Variants in RTTN observed in about 807,000 individuals in gnomAD.
RTTN encodes the protein rotatin.
In RTTN, 182 loss-of-function variants were observed where a neutral mutation model predicts 269.2. The ratio of observed to expected loss-of-function variants is 0.68; its 90% CI spans 0.60 to 0.76. The LOEUF is 0.76. Ranked by LOEUF, RTTN falls within the 30% of genes least tolerant of loss-of-function variation. RTTN has a pLI of 0.00. For missense variants in RTTN, 2,545 were observed against 2,608.6 expected, an observed-to-expected ratio of 0.98 and a Z score of 0.53; for synonymous variants, 1,006 against 963.5, an observed-to-expected ratio of 1.04 and a Z score of -0.82.
At position 70,150,042 on chromosome 18, in the gene RTTN, G is replaced by A. The variant is rs932327641; in HGVS notation, c.2101C>T (p.Arg701Ter). Residue 701 changes from arginine (R) to a stop codon, truncating the protein, a stop_gained, in exon 16 of 49, where the codon CGA becomes TGA. Coordinates refer to ENST00000640769, the MANE Select transcript of RTTN (RefSeq NM_173630.4). LOFTEE classifies it high-confidence loss of function. ...KAILLYLLQG[R>*]LMMTALTWNK... ...CAGGTCAATGCTGTCATCATCAATC[G>A]TCCCTGAAGCAGGTATAACAGAATG... 9 of 1,613,178 alleles carry A rather than the reference G, an allele frequency of 5.6e-6. No individual in the cohort carries two copies. The highest frequency in any genetic ancestry group is 1.6e-4 in the Middle Eastern group (1 of 6,074).
chr18:70,098,901 T>G (rs938354973), intron 28 of RTTN, among the ~76,000 whole-genome samples: 1 of 152,218 alleles, frequency 6.6e-6, no homozygotes, highest in East Asian at 1.9e-4. Flanking sequence ...TGTTCGGTTA[T>G]CTGTCCTTGC....
chr18:70,054,203 G>A lies in RTTN; in HGVS notation c.5113C>T (p.Gln1705Ter). 1.2e-6 allele frequency: 2 copies of A among 1,613,780 alleles called. No individual in the cohort carries two copies. Among genetic ancestry groups the A allele is most frequent in the Non-Finnish European group, 1.7e-6 (2 of 1,179,776 alleles). ...CLLVEPDLVIQDELVKPLITN... is the reference protein window; with the variant it reads ...CLLVEPDLVI Reference sequence around the variant, plus strand: ...ATAAGAGGTTTCACAAGCTCATCCTGAATCACAAGGTCAGGCTCCACCAAT... The same window carrying A: ...ATAAGAGGTTTCACAAGCTCATCCTAAATCACAAGGTCAGGCTCCACCAAT... Residue 1705 changes from glutamine (Q) to a stop codon, truncating the protein, a stop_gained, in exon 38 of 49, where the codon CAG (glutamine) becomes TAG (stop). Coordinates refer to ENST00000640769, the MANE Select transcript of RTTN (RefSeq NM_173630.4). LOFTEE classifies it high-confidence loss of function.
chr18:70,032,589 T>C (rs1479204672), intron 40 of RTTN, among the ~76,000 whole-genome samples: 2 of 152,166 alleles, frequency 1.3e-5, no homozygotes, highest in Non-Finnish European at 2.9e-5. Flanking sequence ...AAGAAGGGCA[T>C]TACAAATAGT....
At chr18:70,065,289 C>CAAAAAAAAAAAAAAAAAA (rs2058101914) in intron 35 of RTTN, among the ~76,000 whole-genome samples, 1 of 72,094 alleles carries the variant, frequency 1.4e-5, no homozygotes. Context: ...AAAAAAAAAG[C>CAAAAAAAAAAAAAAAAAA]AAAGTTGCAA....
At position 70,126,683 on chromosome 18, in the gene RTTN, T is replaced by C. The variant is rs188902185; in HGVS notation, c.3383+819A>G. 9.6e-4 allele frequency among the ~76,000 whole-genome samples: 146 copies of C among 152,248 alleles called. 1 individual carries two copies. Among genetic ancestry groups the C allele is most frequent in the Admixed American group, 3.5e-3 (54 of 15,272 alleles). On this transcript the variant is annotated intron_variant, in intron 25 of 48. Coordinates refer to ENST00000640769, the MANE Select transcript of RTTN (RefSeq NM_173630.4). ...TTTATTTAATTGTAAGTTTATATAA[T>C]TAAGAATGGCTGTGTTTAACAATCA...
chr18:70,111,974 A>G (rs1427756408), intron 27 of RTTN, among the ~76,000 whole-genome samples: 2 of 152,218 alleles, frequency 1.3e-5, no homozygotes, highest in Admixed American at 1.3e-4. Flanking sequence ...GAAACCTACA[A>G]GCCAGAAGAG....
At chr18:70,099,805 C>T (rs997096427) in intron 28 of RTTN, among the ~76,000 whole-genome samples, 17 of 152,194 alleles carry the variant, frequency 1.1e-4, no homozygotes. Context: ...ATATGGCTAG[C>T]CAGTTTTCCC....
intron 25 of RTTN, among the ~76,000 whole-genome samples, chr18:70,126,885 G>A (rs2059878348): frequency 6.6e-6 from 1 of 152,072 alleles, no homozygotes; most frequent in African/African-American, 2.4e-5. Flanking sequence ...CACATTTTAT[G>A]TTAAATAATA....
intron 1 of RTTN, 98 bp from the exon 2 acceptor site, chr18:70,205,413 A>C: frequency 6.7e-7 from 1 of 1,501,434 alleles, no homozygotes; most frequent in Non-Finnish European, 9.1e-7. Flanking sequence ...GGAATAAACC[A>C]GTTTTTTTCA....
At chr18:70,113,765 T>A (rs113563132) in intron 27 of RTTN, among the ~76,000 whole-genome samples, 1 of 152,194 alleles carries the variant, frequency 6.6e-6, no homozygotes, top group Non-Finnish European at 1.5e-5. Flanking sequence ...GGAAACATGA[T>A]GCTAAGTGAA....
chr18:70,027,802 T>A (rs1381971811), intron 43 of RTTN, among the ~76,000 whole-genome samples: 1 of 152,200 alleles, frequency 6.6e-6, no homozygotes, highest in Admixed American at 6.5e-5. Context: ...TTAATTTCCA[T>A]CAAACTACTT....
intron 27 of RTTN, among the ~76,000 whole-genome samples, chr18:70,112,813 G>A (rs974635053): frequency 1.1e-4 from 17 of 152,032 alleles, no homozygotes; most frequent in East Asian, 3.9e-4. Flanking sequence ...TTGACCAAGC[G>A]GACCTAATAG....
intron 9 of RTTN, among the ~76,000 whole-genome samples, chr18:70,189,915 A>G (rs2061631401): frequency 6.6e-6 from 1 of 151,486 alleles, no homozygotes; most frequent in African/African-American, 2.4e-5. Flanking sequence ...ATTTCAGTCA[A>G]CCTCTTCAAA....
intron 2 of RTTN, 67 bp from the exon 3 acceptor site, chr18:70,204,330 A>T: frequency 7.0e-7 from 1 of 1,422,800 alleles, no homozygotes; most frequent in Non-Finnish European, 9.6e-7. Flanking sequence ...CAGCAATCAA[A>T]ACATAAAATT....
intron 1 of RTTN, 39 bp from the exon 2 acceptor site, chr18:70,205,354 T>C (rs1385392069): frequency 6.2e-7 from 1 of 1,608,196 alleles, no homozygotes; most frequent in Admixed American, 1.7e-5. Context: ...ATTTCCCGAC[T>C]GCAAAGAGAC....
intron 46 of RTTN, among the ~76,000 whole-genome samples, chr18:70,011,928 A>C (rs34621219): frequency 8.4e-6 from 1 of 119,570 alleles, no homozygotes; most frequent in Non-Finnish European, 1.8e-5. Context: ...ATTGGTTAGA[A>C]GGCAGCGTCT....
chr18:70,128,325 G>T, intron 24 of RTTN, 33 bp downstream of exon 24: 2 of 1,542,922 alleles, frequency 1.3e-6, no homozygotes, highest in Non-Finnish European at 8.8e-7. Context: ...TTAATTAATT[G>T]CAAATGCTTT....
intron 28 of RTTN, among the ~76,000 whole-genome samples, chr18:70,100,555 C>G (rs754269978): frequency 1.3e-5 from 2 of 152,182 alleles, no homozygotes; most frequent in African/African-American, 4.8e-5. Context: ...CTTTTCCTAA[C>G]TGAATACCCT....
intron 25 of RTTN, among the ~76,000 whole-genome samples, chr18:70,123,666 C>G (rs548304991): frequency 2.0e-5 from 3 of 152,226 alleles, no homozygotes; most frequent in South Asian, 2.1e-4. Context: ...TATGCCTTGG[C>G]TTAAGCTTCA....
Sources: gnomAD v4.1 joint callset for allele counts (sites outside exome capture counted in the v4.1 genomes callset) on GRCh38, gnomAD v4.1.1 for gene constraint, MANE v1.5 for transcripts, NCBI Gene and HGNC (gene_info 2026-07-23, HGNC 2026-07-21) for gene names.